Variants in ASH1L observed in about 807,000 individuals in gnomAD.
The protein encoded by ASH1L is histone-lysine N-methyltransferase ASH1L.
In ASH1L, 23 loss-of-function variants were observed where a neutral mutation model predicts 269.0. That is an observed-to-expected ratio of 0.09 (90% CI 0.06 to 0.12). The LOEUF is 0.12. ASH1L is among the 10% of genes least tolerant of loss of function. The pLI, the probability that ASH1L is intolerant of heterozygous loss-of-function variation, is 1.00. For missense variants in ASH1L, 2,912 were observed against 3,567.8 expected (o/e 0.82, Z 4.68); for synonymous variants, 1,187 against 1,253.5 (o/e 0.95, Z 1.12).
intron 1 of ASH1L, among the ~76,000 whole-genome samples, chr1:155,534,406 G>C (rs565771159): frequency 1.3e-5 from 2 of 150,876 alleles, no homozygotes; most frequent in East Asian, 3.9e-4. Context: ...AGACATGTTA[G>C]ATATTTGTCA....
chr1:155,470,822 A>C (rs546463271), intron 3 of ASH1L, among the ~76,000 whole-genome samples: 1 of 152,040 alleles, frequency 6.6e-6, no homozygotes, highest in Non-Finnish European at 1.5e-5. Context: ...AAAGTGCTGG[A>C]ATTACAGCAT....
At position 155,469,147 on chromosome 1, in the gene ASH1L, CA is replaced by C. The variant is rs202079516; in HGVS notation, c.4984+8738del. 7.3e-3 allele frequency among the ~76,000 whole-genome samples: 1,111 copies of C among 152,098 alleles called. 11 individuals carry two copies. The highest frequency in any genetic ancestry group is 0.026 in the African/African-American group (1,058 of 41,482). On this transcript the variant is annotated intron_variant, in intron 3 of 27. Transcript: ENST00000392403. ...CATCCACTTTCAGTACTTACCTAAC[CA>C]ATCTCCCATAACACTTGACACTCTT... is the stretch of plus-strand genomic sequence containing the variant.
At chr1:155,496,428 C>T (rs980795897) in intron 2 of ASH1L, among the ~76,000 whole-genome samples, 26 of 151,878 alleles carry the variant, frequency 1.7e-4, no homozygotes, top group Non-Finnish European at 4.4e-5. Context: ...GTAAATGTAG[C>T]CATAAAAAGA....
intron 2 of ASH1L, among the ~76,000 whole-genome samples, chr1:155,483,879 A>G (rs1666126301): frequency 6.6e-6 from 1 of 152,148 alleles, no homozygotes; most frequent in South Asian, 2.1e-4. Flanking sequence ...TTTCCAGGAT[A>G]TATTATTAAA....
chr1:155,346,574 G>A (rs1303196472), intron 20 of ASH1L, 105 bp from the exon 21 acceptor site: 1 of 852,142 alleles, frequency 1.2e-6, no homozygotes, highest in Non-Finnish European at 1.9e-6. Flanking sequence ...TAAAGTAAAA[G>A]AGGAACTAAG....
rs773637982 is a variant in ASH1L, at chr1:155,346,130, G to A, written c.7890+253C>T. 1.8e-5 allele frequency: 24 copies of A among 1,364,246 alleles called. No homozygotes were observed. The East Asian group carries it at 2.0e-4, about 11-fold the overall frequency. The allele number at this position is 1,364,246 out of a possible 1,614,324, so 84.5% of individuals were successfully genotyped here. ...ATTACAGGCATGAGCGACCGTGCCCGGCCAAAAACCTTAGTTTTATATAGT... is the reference window on the plus strand; with the variant it reads ...ATTACAGGCATGAGCGACCGTGCCCAGCCAAAAACCTTAGTTTTATATAGT... On this transcript the variant is annotated intron_variant, in intron 21 of 27. Transcript: ENST00000392403.
intron 7 of ASH1L, among the ~76,000 whole-genome samples, chr1:155,384,875 C>G (rs1657290653): frequency 6.6e-6 from 1 of 151,746 alleles, no homozygotes; most frequent in African/African-American, 2.4e-5. Context: ...TTTTTTTTCC[C>G]TCCTTCCATG....
At chr1:155,418,422 A>C (rs1336300943) in intron 5 of ASH1L, among the ~76,000 whole-genome samples, 3 of 152,100 alleles carry the variant, frequency 2.0e-5, no homozygotes, top group Non-Finnish European at 4.4e-5. Context: ...GTGAACTTGA[A>C]GACAGCAATA....
chr1:155,431,422 T>C (rs1186182129), intron 5 of ASH1L, among the ~76,000 whole-genome samples: 4 of 151,968 alleles, frequency 2.6e-5, no homozygotes, highest in Admixed American at 2.6e-4. Flanking sequence ...CCCAAGTAGC[T>C]AGAACCACAG....
chr1:155,454,083 C>A (rs896006693), intron 4 of ASH1L, among the ~76,000 whole-genome samples: 1 of 151,972 alleles, frequency 6.6e-6, no homozygotes. Context: ...CCAGCCTGAG[C>A]GACGGAGCAA....
intron 3 of ASH1L, among the ~76,000 whole-genome samples, chr1:155,476,135 C>A (rs1482773854): frequency 6.6e-6 from 1 of 152,020 alleles, no homozygotes; most frequent in African/African-American, 2.4e-5. Flanking sequence ...GCCTGTAATC[C>A]CAGCACTTTG....
intron 20 of ASH1L, 38 bp downstream of exon 20, chr1:155,347,618 A>C: frequency 6.2e-7 from 1 of 1,610,272 alleles, no homozygotes; most frequent in Non-Finnish European, 8.5e-7. Context: ...CACCGTGTTC[A>C]TCAGGACCAA....
At chr1:155,387,003 G>A (rs1657492897) in intron 7 of ASH1L, among the ~76,000 whole-genome samples, 1 of 150,482 alleles carries the variant, frequency 6.6e-6, no homozygotes. Context: ...TTTTGAGACA[G>A]AGTTTTGCTG....
chr1:155,374,127 G>C (rs528176655), intron 10 of ASH1L, among the ~76,000 whole-genome samples: 2 of 152,138 alleles, frequency 1.3e-5, no homozygotes, highest in African/African-American at 4.8e-5. Context: ...TCAGGAGTTC[G>C]AGATCAGCCT....
rs144222545 is a variant in ASH1L, at chr1:155,479,556, G to A, written c.3314C>T (p.Ser1105Leu). The A allele has an allele frequency of 3.9e-5, 63 of 1,614,080 alleles. 1 individual carries two copies. The highest frequency in any genetic ancestry group is 5.3e-5 in the Non-Finnish European group (62 of 1,180,040). The change falls in exon 3 of 28, where the codon TCA becomes TTA. Residue 1105 changes from serine to leucine, a missense_variant. Physicochemically the swap from Ser to Leu is moderately radical, Grantham distance 145. Transcript: ENST00000392403. ...SSASSSEILP[S>L]PICSQSSGTS... ...CCCAGAAGACTGAGAGCAAATAGGT[G>A]ATGGAAGAATCTCAGAACTACTAGC...
chr1:155,342,477 A>G (rs913746978), intron 24 of ASH1L, among the ~76,000 whole-genome samples: 27 of 152,220 alleles, frequency 1.8e-4, no homozygotes, highest in Admixed American at 3.9e-4. Context: ...TTTAACTGAG[A>G]CAAGGAGGAC....
At chr1:155,520,864 A>AATAAATAAACTTGAGC (rs1553273163) in intron 2 of ASH1L, among the ~76,000 whole-genome samples, 8 of 152,216 alleles carry the variant, frequency 5.3e-5, no homozygotes, top group Non-Finnish European at 1.0e-4. Flanking sequence ...CTTAATCTCA[A>AATAAATAAACTTGAGC]AAAAATAAAT....
intron 4 of ASH1L, among the ~76,000 whole-genome samples, chr1:155,455,765 C>T (rs757118714): frequency 6.6e-6 from 1 of 152,134 alleles, no homozygotes; most frequent in Non-Finnish European, 1.5e-5. Context: ...ACATTACAAA[C>T]CTATGACAAA....
At chr1:155,465,289 C>CA (rs1171228344) in intron 3 of ASH1L, among the ~76,000 whole-genome samples, 7,566 of 62,302 alleles carry the variant, frequency 0.12, 429 homozygotes, top group African/African-American at 0.15. Context: ...TACAAATTAG[C>CA]AAAAAAAAAA....
Sources: gnomAD v4.1 joint callset for allele counts (sites outside exome capture counted in the v4.1 genomes callset) on GRCh38, gnomAD v4.1.1 for gene constraint, MANE v1.5 for transcripts, NCBI Gene and HGNC (gene_info 2026-07-23, HGNC 2026-07-21) for gene names.